The following GRM7 variants were observed in gnomAD, a reference collection of about 807,000 sequenced individuals.
GRM7 encodes the protein metabotropic glutamate receptor 7.
In GRM7, 35 loss-of-function variants were observed where a neutral mutation model predicts 84.5. The observed-to-expected ratio is 0.41, with a 90% CI of 0.32 to 0.55. GRM7 has a LOEUF of 0.55. Among genes scored for constraint, GRM7 ranks in the 20% least tolerant of loss-of-function variants. The pLI, the probability that GRM7 is intolerant of heterozygous loss-of-function variation, is 0.19. For missense variants in GRM7, 1,003 were observed against 1,194.6 expected, an observed-to-expected ratio of 0.84 and a Z score of 2.36; for synonymous variants, 487 against 455.1, an observed-to-expected ratio of 1.07 and a Z score of -0.89.
chr3:6,939,787 G>A (rs969913707), intron 1 of GRM7, among the ~76,000 whole-genome samples: 2 of 152,104 alleles, frequency 1.3e-5, no homozygotes, highest in African/African-American at 4.8e-5. Context: ...TAATCAGCAG[G>A]CTAAGGATGT....
intron 1 of GRM7, among the ~76,000 whole-genome samples, chr3:6,902,290 G>T (rs1002652888): frequency 6.6e-6 from 1 of 152,110 alleles, no homozygotes; most frequent in African/African-American, 2.4e-5. Flanking sequence ...TTTTTAAAAT[G>T]ACAGCTATCC....
At chr3:6,931,429 G>T (rs339020) in intron 1 of GRM7, among the ~76,000 whole-genome samples, 32,400 of 152,066 alleles carry the variant, frequency 0.21, 3,609 homozygotes, top group East Asian at 0.32. Flanking sequence ...CTGGGATCAT[G>T]TTCCCACCTT....
At chr3:7,200,727 A>G (rs531459619) in intron 2 of GRM7, among the ~76,000 whole-genome samples, 1 of 152,282 alleles carries the variant, frequency 6.6e-6, no homozygotes, top group African/African-American at 2.4e-5. Context: ...CAGAGGCCAC[A>G]CTTTGTGGAT....
At chr3:7,437,945 A>T (rs1333444641) in intron 5 of GRM7, among the ~76,000 whole-genome samples, 1 of 152,126 alleles carries the variant, frequency 6.6e-6, no homozygotes, top group Non-Finnish European at 1.5e-5. Context: ...GAAAGAGGAA[A>T]TTAGAATATG....
chr3:7,518,289 G>A lies in GRM7; in HGVS notation c.1515+56567G>A, dbSNP rs533666871. Among the ~76,000 whole-genome samples, 10 of 152,274 alleles carry A rather than the reference G, an allele frequency of 6.6e-5. No individual in the cohort carries two copies. The South Asian group carries it at 1.7e-3, about 25-fold the overall frequency. ...TTGTAACTATGATAATGGAAGTTCT[G>A]CAAAATTAAGCCCAGGGTGAAGGCA... On this transcript the variant is annotated intron_variant, in intron 7 of 9. Transcript: ENST00000357716.
intron 8 of GRM7, among the ~76,000 whole-genome samples, chr3:7,657,915 A>G (rs1168583083): frequency 6.6e-6 from 1 of 152,220 alleles, no homozygotes; most frequent in Non-Finnish European, 1.5e-5. Flanking sequence ...TCACTTCTCC[A>G]GGAATCTCTC....
intron 7 of GRM7, among the ~76,000 whole-genome samples, chr3:7,469,506 T>C (rs751925504): frequency 1.3e-5 from 2 of 152,242 alleles, no homozygotes; most frequent in Non-Finnish European, 2.9e-5. Context: ...GAAGTTATCA[T>C]TGGCCATTTA....
At chr3:7,240,120 G>GTTTTTTTTT (rs397988598) in intron 2 of GRM7, among the ~76,000 whole-genome samples, 1,007 of 52,678 alleles carry the variant, frequency 0.019, 196 homozygotes, top group Admixed American at 0.021. Flanking sequence ...AGCATGTGAG[G>GTTTTTTTTT]TTTTTTTTTT....
chr3:7,481,039 G>A (rs1699107995), intron 7 of GRM7, among the ~76,000 whole-genome samples: 1 of 151,920 alleles, frequency 6.6e-6, no homozygotes, highest in South Asian at 2.1e-4. Context: ...AGGGCCATTG[G>A]GCTACAAGAT....
intron 1 of GRM7, among the ~76,000 whole-genome samples, chr3:6,896,601 G>T (rs1267642869): frequency 6.6e-6 from 1 of 152,162 alleles, no homozygotes; most frequent in East Asian, 1.9e-4. Context: ...TAGCATTTAG[G>T]AGATGTTCAA....
At chr3:7,225,521 G>A (rs948794343) in intron 2 of GRM7, among the ~76,000 whole-genome samples, 1 of 146,442 alleles carries the variant, frequency 6.8e-6, no homozygotes, top group African/African-American at 2.5e-5. Context: ...AAACCATATA[G>A]CTATAATAAG....
At chr3:7,499,799 G>A (rs1272981825) in intron 7 of GRM7, among the ~76,000 whole-genome samples, 1 of 150,286 alleles carries the variant, frequency 6.7e-6, no homozygotes, top group African/African-American at 2.5e-5. Context: ...TTTTGAGATG[G>A]AGTCTTGCTC....
At chr3:7,347,968 A>G (rs1041667343) in intron 4 of GRM7, among the ~76,000 whole-genome samples, 4 of 152,120 alleles carry the variant, frequency 2.6e-5, no homozygotes, top group African/African-American at 9.7e-5. Flanking sequence ...CCATTTCATT[A>G]TTATACTAAC....
chr3:7,127,134 C>G (rs1275458416), intron 1 of GRM7, among the ~76,000 whole-genome samples: 1 of 152,204 alleles, frequency 6.6e-6, no homozygotes, highest in African/African-American at 2.4e-5. Flanking sequence ...TTATCTGACA[C>G]TCTTCTTCCA....
intron 1 of GRM7, among the ~76,000 whole-genome samples, chr3:6,877,963 T>TA (rs1390719748): frequency 6.9e-6 from 1 of 145,930 alleles, no homozygotes; most frequent in East Asian, 2.0e-4. Context: ...TTTTTTTTTT[T>TA]ACAGATCTGT....
intron 1 of GRM7, among the ~76,000 whole-genome samples, chr3:6,878,543 A>AAATAATAATAATAATAATAATAAT (rs58165323): frequency 2.1e-4 from 31 of 150,388 alleles, no homozygotes; most frequent in African/African-American, 6.6e-4. Flanking sequence ...GATTAACATA[A>AAATAATAATAATAATAATAATAAT]AATAATAATA....
intron 1 of GRM7, among the ~76,000 whole-genome samples, chr3:6,977,088 G>A (rs1344399406): frequency 6.6e-6 from 1 of 152,128 alleles, no homozygotes; most frequent in African/African-American, 2.4e-5. Context: ...CAAGCACCAT[G>A]GCATATTTCC....
At chr3:7,580,516 G>T (rs1174259585) in intron 8 of GRM7, among the ~76,000 whole-genome samples, 1 of 152,122 alleles carries the variant, frequency 6.6e-6, no homozygotes, top group African/African-American at 2.4e-5. Flanking sequence ...TGTTACCTCT[G>T]TTCTCCATAT....
At chr3:7,353,629 C>T (rs1693257225) in intron 4 of GRM7, among the ~76,000 whole-genome samples, 2 of 152,182 alleles carry the variant, frequency 1.3e-5, no homozygotes, top group Admixed American at 6.5e-5. Flanking sequence ...AGAAAACATA[C>T]CTTTCACCAA....
Sources: allele counts gnomAD v4.1 joint callset (sites outside exome capture counted in the v4.1 genomes callset), GRCh38; gene constraint gnomAD v4.1.1; transcripts MANE v1.5; gene names NCBI Gene and HGNC (gene_info 2026-07-23, HGNC 2026-07-21).